RFX2: variants seen among roughly 807,000 people sequenced by gnomAD.
RFX2 encodes regulatory factor X2, also known as DNA-binding protein RFX2.
RFX2 carries 20 observed loss-of-function variants against 87.8 expected under a neutral mutation model. That is an observed-to-expected ratio of 0.23 (90% CI 0.16 to 0.33). The LOEUF is 0.33. RFX2 is among the 10% of genes least tolerant of loss of function. RFX2 has a pLI of 1.00. For synonymous variants in RFX2, 397 were observed against 431.3 expected (o/e 0.92, Z 0.98); for missense variants, 767 against 1,012.3 (o/e 0.76, Z 3.29).
intron 12 of RFX2, among the ~76,000 whole-genome samples, chr19:6,006,566 C>T (rs1004313612): frequency 2.0e-5 from 3 of 150,590 alleles, no homozygotes; most frequent in African/African-American, 7.4e-5. Context: ...TCTCCTGGCT[C>T]GGCCTCCCTA....
rs1041220195 is a variant in RFX2 at position 6,012,998 on chromosome 19, T to C, written c.887A>G (p.His296Arg). 1.3e-6 allele frequency: 2 copies of C among 1,565,994 alleles called. No individual in the cohort carries two copies. Among genetic ancestry groups the C allele is most frequent in the Non-Finnish European group, 8.7e-7 (1 of 1,155,430 alleles). ...QYMAMRQQPMHQKPRYRPAQK... is the reference protein window; with the variant it reads ...QYMAMRQQPMRQKPRYRPAQK... The stretch of plus-strand genomic sequence containing the variant: ...GCCCGGCACCCACCTGGGCTTCTGG[T>C]GCATGGGCTGCTGCCGCATGGCCAT... The change falls in exon 8 of 18, where the codon CAC (histidine) becomes CGC (arginine). Residue 296 changes from histidine to arginine, a missense_variant. Transcript: ENST00000303657. The surrounding 1 kb of genome is among the most constrained non-coding windows in gnomAD (Gnocchi z 4.6).
intron 1 of RFX2, among the ~76,000 whole-genome samples, chr19:6,062,790 T>G (rs2144812678): frequency 6.6e-6 from 1 of 152,326 alleles, no homozygotes; most frequent in Middle Eastern, 3.4e-3. Flanking sequence ...TCATTCATTC[T>G]CAGTAACCAG....
chr19:6,069,808 C>A (rs947680274), intron 1 of RFX2, among the ~76,000 whole-genome samples: 4 of 152,028 alleles, frequency 2.6e-5, no homozygotes, highest in East Asian at 1.9e-4. Context: ...GACAGGAGGA[C>A]CAGATGGCTC....
At chr19:6,028,576 G>T (rs2086918177) in intron 5 of RFX2, among the ~76,000 whole-genome samples, 1 of 152,084 alleles carries the variant, frequency 6.6e-6, no homozygotes, top group South Asian at 2.1e-4. Context: ...CATGACAATG[G>T]CAGAGTAAGG....
In RFX2 at chr19:6,002,778, C is replaced by T. The variant is rs201221177; in HGVS notation, c.1593G>A (p.Thr531=). Residue 531 remains threonine (T), a synonymous_variant, in exon 14 of 18, where the codon ACG becomes ACA. Coordinates refer to ENST00000303657, the MANE Select transcript of RFX2 (RefSeq NM_000635.4). The surrounding 1 kb of genome is among the most constrained non-coding windows in gnomAD (Gnocchi z 6.7). The part of the protein sequence containing the change: ...AQAARAVLQN[T]SQINQMLSDL... ...CGCTGAGCATCTGGTTGATCTGGGACGTGTTCTGCAGCACCGCCCGGGCCG... is the reference window on the plus strand; with the variant it reads ...CGCTGAGCATCTGGTTGATCTGGGATGTGTTCTGCAGCACCGCCCGGGCCG... 3.8e-5 allele frequency: 61 copies of T among 1,613,936 alleles called. No individual in the cohort carries two copies. Among genetic ancestry groups the T allele is most frequent in the Middle Eastern group, 1.7e-4 (1 of 6,004 alleles).
In RFX2 at chr19:6,039,986, G is replaced by A. The variant is rs1218956348; in HGVS notation, c.516C>T (p.Pro172=). ...CCAAGAGCCTCCTACATACCGTGGCGGGCGATGAGCGGGAGGTGTGGGCCA... is the reference window on the plus strand; with the variant it reads ...CCAAGAGCCTCCTACATACCGTGGCAGGCGATGAGCGGGAGGTGTGGGCCA... The part of the protein sequence containing the change: ...HSLAHTSRSS[P]ATLEMAIENL... The change falls in exon 5 of 18, where the codon CCC becomes CCT. Residue 172 remains proline, a synonymous_variant. Transcript: ENST00000303657. The surrounding 1 kb of genome is among the most constrained non-coding windows in gnomAD (Gnocchi z 5.2). 1.1e-5 allele frequency: 18 copies of A among 1,576,154 alleles called. No individual in the cohort carries two copies. Among genetic ancestry groups the A allele is most frequent in the Admixed American group, 3.6e-5 (2 of 56,150 alleles).
At chr19:6,086,384 T>G (rs2087856174) in intron 1 of RFX2, among the ~76,000 whole-genome samples, 1 of 152,256 alleles carries the variant, frequency 6.6e-6, no homozygotes. Flanking sequence ...TATAACCTAT[T>G]GCTCCCAGGC....
chr19:6,108,828 G>T (rs2088261531), intron 1 of RFX2, among the ~76,000 whole-genome samples: 1 of 152,214 alleles, frequency 6.6e-6, no homozygotes, highest in South Asian at 2.1e-4. Context: ...GCAGCCGCCA[G>T]AATGGCCCGG....
intron 1 of RFX2, among the ~76,000 whole-genome samples, chr19:6,079,358 C>A (rs1050164450): frequency 6.6e-6 from 1 of 152,216 alleles, no homozygotes; most frequent in Non-Finnish European, 1.5e-5. Flanking sequence ...ATAAAAGGAA[C>A]AAACGACTGA....
chr19:6,010,150 T>A lies in RFX2; in HGVS notation c.1001A>T (p.His334Leu), dbSNP rs2086641480. ...EQTMAVQSQH[H>L]QQYIDVSHVF... ...GGGCCTCTCACCTATGTACTGCTGGTGGTGCTGGCTCTGCACGGCCATGGT... is the reference window on the plus strand; with the variant it reads ...GGGCCTCTCACCTATGTACTGCTGGAGGTGCTGGCTCTGCACGGCCATGGT... The change falls in exon 9 of 18, where the codon CAC becomes CTC. Residue 334 changes from histidine (H) to leucine (L), a missense_variant. Coordinates refer to ENST00000303657, the MANE Select transcript of RFX2 (RefSeq NM_000635.4). The surrounding 1 kb of genome is among the most constrained non-coding windows in gnomAD (Gnocchi z 5.0). 1 of 1,547,562 alleles carries A rather than the reference T, an allele frequency of 6.5e-7. No individual in the cohort carries two copies. The highest frequency in any genetic ancestry group is 8.7e-7 in the Non-Finnish European group (1 of 1,145,590).
At chr19:6,058,816 T>C (rs1183600738) in intron 1 of RFX2, among the ~76,000 whole-genome samples, 1 of 152,112 alleles carries the variant, frequency 6.6e-6, no homozygotes, top group African/African-American at 2.4e-5. Flanking sequence ...GAAAGGGCTG[T>C]TTGCAGACTG....
chr19:6,059,756 C>T (rs2087401289), intron 1 of RFX2, among the ~76,000 whole-genome samples: 1 of 152,128 alleles, frequency 6.6e-6, no homozygotes, highest in African/African-American at 2.4e-5. Flanking sequence ...CACACAAACA[C>T]ATGTACATAC....
rs2086593561 is a variant in RFX2 at position 6,007,121 on chromosome 19, G to T, written c.1293C>A (p.Ile431=). ...GGATGGGGTCGCACTGACACAGGGA[G>T]ATAAGCTTGTCCTTGGGCAGGACGG... ...EGAVLPKDKL[I]SLCQCDPILR... is the part of the protein sequence containing the mutation. Residue 431 remains isoleucine, a synonymous_variant, in exon 12 of 18, where the codon ATC becomes ATA. Transcript: ENST00000303657. This position sits in a 1 kb window ranked among gnomAD's most constrained non-coding sequence, Gnocchi z 8.2. The T allele has an allele frequency of 6.2e-7, 1 of 1,614,156 alleles. No individual in the cohort carries two copies. The highest frequency in any genetic ancestry group is 8.5e-7 in the Non-Finnish European group (1 of 1,180,022).
chr19:6,004,364 T>C lies in RFX2; in HGVS notation c.1403-66A>G. Reference sequence around the variant, plus strand: ...GTGACTGGACCCTGGAAATCAGCATTCAGTGTAAGAGCTGGCCCAAGTGCG... The same window carrying C: ...GTGACTGGACCCTGGAAATCAGCATCCAGTGTAAGAGCTGGCCCAAGTGCG... On this transcript the variant is annotated intron_variant, in intron 12 of 17. Transcript: ENST00000303657. The surrounding 1 kb of genome is among the most constrained non-coding windows in gnomAD (Gnocchi z 4.8). 4.5e-6 allele frequency: 6 copies of C among 1,343,304 alleles called. No homozygotes were observed. Among genetic ancestry groups the C allele is most frequent in the Non-Finnish European group, 6.4e-6 (6 of 933,806 alleles). The allele number at this position is 1,343,304 out of a possible 1,614,324, so 83.2% of individuals were successfully genotyped here.
chr19:5,997,570 G>T lies in RFX2; in HGVS notation c.1860-357C>A, dbSNP rs1019801591. Among the ~76,000 whole-genome samples, 7 of 152,310 alleles carry T rather than the reference G, an allele frequency of 4.6e-5. No individual in the cohort carries two copies. The highest frequency in any genetic ancestry group is 2.1e-4 in the South Asian group (1 of 4,822). On this transcript the variant is annotated intron_variant, in intron 15 of 17. Transcript: ENST00000303657. This position sits in a 1 kb window ranked among gnomAD's most constrained non-coding sequence, Gnocchi z 4.2. ...GGTGAGTCTTTCTAGTGACATTTCG[G>T]ACTCCGAATCAGAGCACAGGCTGGC...
Position 5,997,452 on chromosome 19 carries a change from A to T in RFX2, c.1860-239T>A. The T allele has an allele frequency of 4.3e-6, 2 of 461,150 alleles. No individual in the cohort carries two copies. The highest frequency in any genetic ancestry group is 7.7e-6 in the Non-Finnish European group (2 of 260,864). 28.6% of individuals were successfully genotyped at this position (461,150 alleles called of 1,614,324 possible). ...CAGTTCCAGAGACCACCTGGGGAAC[A>T]GGAGAGGGAGATGGGCAGTCAGCCC... On this transcript the variant is annotated intron_variant, in intron 15 of 17. Coordinates refer to ENST00000303657, the MANE Select transcript of RFX2 (RefSeq NM_000635.4). The surrounding 1 kb of genome is among the most constrained non-coding windows in gnomAD (Gnocchi z 4.2).
At chr19:6,073,527 A>C in intron 1 of RFX2, 1 of 675,576 alleles carries the variant, frequency 1.5e-6, no homozygotes, top group Non-Finnish European at 2.3e-6. Flanking sequence ...GAAGAAAATG[A>C]GTAGACGGCT....
At chr19:6,070,389 G>T (rs1034282742) in intron 1 of RFX2, among the ~76,000 whole-genome samples, 11 of 151,952 alleles carry the variant, frequency 7.2e-5, no homozygotes, top group African/African-American at 2.4e-4. Flanking sequence ...TCTGGAGGGG[G>T]GTCCTGGTCC....
intron 1 of RFX2, among the ~76,000 whole-genome samples, chr19:6,057,452 T>A (rs1298565490): frequency 6.6e-6 from 1 of 152,188 alleles, no homozygotes; most frequent in Non-Finnish European, 1.5e-5. Flanking sequence ...TTAAGCAATC[T>A]CTCTTCTATT....
Sources: allele counts gnomAD v4.1 joint callset (sites outside exome capture counted in the v4.1 genomes callset), GRCh38; gene constraint gnomAD v4.1.1; non-coding constraint Gnocchi (gnomAD v3.1); transcripts MANE v1.5; gene names NCBI Gene and HGNC (gene_info 2026-07-23, HGNC 2026-07-21).